The following MAGI2 variants were observed in gnomAD, a reference collection of about 807,000 sequenced individuals.
MAGI2 encodes membrane-associated guanylate kinase, WW and PDZ domain-containing protein 2.
Under a neutral mutation model 133.3 loss-of-function variants are expected in MAGI2, and 35 were observed. The observed-to-expected ratio is 0.26, with a 90% CI of 0.20 to 0.35. The LOEUF (loss-of-function observed/expected upper bound fraction) is 0.35, where lower values mean the gene tolerates loss of function less well. MAGI2 is among the 10% of genes least tolerant of loss of function. The probability of loss-of-function intolerance (pLI) is 1.00; values close to 1 mark genes in which losing one functional copy is unlikely to be tolerated. For missense variants in MAGI2, 1,636 were observed against 1,863.4 expected, an observed-to-expected ratio of 0.88 and a Z score of 2.25; for synonymous variants, 729 against 710.6, an observed-to-expected ratio of 1.03 and a Z score of -0.41.
intron 6 of MAGI2, among the ~76,000 whole-genome samples, chr7:78,439,532 A>T (rs1787391081): frequency 6.6e-6 from 1 of 152,124 alleles, no homozygotes; most frequent in South Asian, 2.1e-4. Context: ...ACCTTTGAGG[A>T]GGGGGCACAG....
chr7:79,325,023 T>TG (rs1839582016), intron 1 of MAGI2, among the ~76,000 whole-genome samples: 1 of 151,972 alleles, frequency 6.6e-6, no homozygotes, highest in Admixed American at 6.6e-5. Context: ...TAGCTTGGTC[T>TG]ATAAGATGAG....
At chr7:78,333,997 T>C (rs577214901) in intron 9 of MAGI2, among the ~76,000 whole-genome samples, 21 of 152,314 alleles carry the variant, frequency 1.4e-4, no homozygotes, top group African/African-American at 4.8e-4. Flanking sequence ...TCTCAGTGTG[T>C]GCTCAGGTTT....
In MAGI2 at chr7:78,876,043, C is replaced by A. The variant is rs541444605; in HGVS notation, c.418+131047G>T. Among the ~76,000 whole-genome samples, 6 of 152,206 alleles carry A rather than the reference C, an allele frequency of 3.9e-5. No individual in the cohort carries two copies. The South Asian group carries it at 1.2e-3, about 32-fold the overall frequency. On this transcript the variant is annotated intron_variant, in intron 2 of 21. Coordinates refer to ENST00000354212, the MANE Select transcript of MAGI2 (RefSeq NM_012301.4). Reference sequence around the variant, plus strand: ...TGAAGCTTCAAAAATTTGGGACATGCCGGGGGCAGTGGCTCATGCCTGTAA... The same window carrying A: ...TGAAGCTTCAAAAATTTGGGACATGACGGGGGCAGTGGCTCATGCCTGTAA...
intron 2 of MAGI2, among the ~76,000 whole-genome samples, chr7:78,809,022 T>G (rs547153433): frequency 1.3e-5 from 2 of 152,242 alleles, no homozygotes; most frequent in Non-Finnish European, 2.9e-5. Context: ...ATTTCTCCAT[T>G]GTGAATACCT....
At chr7:78,274,604 G>T (rs11981018) in intron 9 of MAGI2, among the ~76,000 whole-genome samples, 55 of 145,896 alleles carry the variant, frequency 3.8e-4, no homozygotes, top group African/African-American at 1.3e-3. Context: ...TCCCTGACTG[G>T]GGTGCTGCCT....
chr7:78,617,001 A>G (rs1024357330), intron 3 of MAGI2: 2 of 152,158 alleles, frequency 1.3e-5, no homozygotes, highest in Non-Finnish European at 2.9e-5. Context: ...GATACAGAAT[A>G]AATGGTCAAT....
At chr7:79,164,898 C>A (rs1180132736) in intron 1 of MAGI2, among the ~76,000 whole-genome samples, 1 of 152,082 alleles carries the variant, frequency 6.6e-6, no homozygotes, top group Non-Finnish European at 1.5e-5. Flanking sequence ...CAGAATAAAT[C>A]TCTTCAAAGA....
At chr7:79,271,427 G>A (rs1834867864) in intron 1 of MAGI2, among the ~76,000 whole-genome samples, 1 of 151,952 alleles carries the variant, frequency 6.6e-6, no homozygotes, top group African/African-American at 2.4e-5. Flanking sequence ...CTGTAAATCT[G>A]GCACCTCTGA....
chr7:78,327,235 T>G (rs1788677866), intron 9 of MAGI2, among the ~76,000 whole-genome samples: 1 of 152,198 alleles, frequency 6.6e-6, no homozygotes, highest in South Asian at 2.1e-4. Flanking sequence ...CATGGCCACT[T>G]CAACCATAGA....
In MAGI2 at chr7:78,521,527, T is replaced by C; in HGVS notation, c.657A>G (p.Lys219=). 1.2e-6 allele frequency: 2 copies of C among 1,614,150 alleles called. No individual in the cohort carries two copies. The highest frequency in any genetic ancestry group is 1.7e-6 in the Non-Finnish European group (2 of 1,180,004). ...PSAEGKRKRN[K]SVSNMEKASI... is the part of the protein sequence containing the mutation. Reference sequence around the variant, plus strand: ...TGGCTTTCTCCATGTTGCTCACTGATTTATTCCTCTTCCGTTTTCCTTCAG... The same window carrying C: ...TGGCTTTCTCCATGTTGCTCACTGACTTATTCCTCTTCCGTTTTCCTTCAG... Residue 219 remains lysine, a synonymous_variant, in exon 4 of 22, where the codon AAA becomes AAG. Transcript: ENST00000354212.
intron 1 of MAGI2, among the ~76,000 whole-genome samples, chr7:79,333,963 T>C (rs1330173250): frequency 6.6e-6 from 1 of 152,186 alleles, no homozygotes; most frequent in East Asian, 1.9e-4. Flanking sequence ...ACTTTTACTT[T>C]CCAAAAATAT....
chr7:79,329,578 A>C (rs1379727617), intron 1 of MAGI2, among the ~76,000 whole-genome samples: 1 of 152,232 alleles, frequency 6.6e-6, no homozygotes. Context: ...CATAATGTTC[A>C]CATTAGTAGC....
At chr7:78,451,275 C>T (rs1050717690) in intron 6 of MAGI2, among the ~76,000 whole-genome samples, 1 of 151,976 alleles carries the variant, frequency 6.6e-6, no homozygotes. Context: ...GTGCTTGCTT[C>T]CTTAAATAAT....
At chr7:78,906,341 C>T (rs1460063299) in intron 2 of MAGI2, among the ~76,000 whole-genome samples, 3 of 152,144 alleles carry the variant, frequency 2.0e-5, no homozygotes, top group East Asian at 1.9e-4. Context: ...TCATTGCTTT[C>T]GTCTAGTTAC....
rs146587336 is a variant in MAGI2, at chr7:79,178,486, T to A, written c.302-171280A>T. The stretch of plus-strand genomic sequence containing the variant: ...CAGCACTTTGGGAGGCCGAGATGTG[T>A]GGATCAACTGAGGTCAGGAGTTCGA... On this transcript the variant is annotated intron_variant, in intron 1 of 21. Coordinates refer to ENST00000354212, the MANE Select transcript of MAGI2 (RefSeq NM_012301.4). 2.2e-3 allele frequency among the ~76,000 whole-genome samples: 333 copies of A among 151,980 alleles called. 2 individuals carry two copies. The highest frequency in any genetic ancestry group is 7.5e-3 in the African/African-American group (311 of 41,368).
At chr7:78,974,570 A>C (rs1324715057) in intron 2 of MAGI2, among the ~76,000 whole-genome samples, 1 of 152,022 alleles carries the variant, frequency 6.6e-6, no homozygotes, top group South Asian at 2.1e-4. Flanking sequence ...CCTTTAATGT[A>C]GTTATTTCTA....
At chr7:78,067,908 G>T (rs1814012573) in intron 21 of MAGI2, among the ~76,000 whole-genome samples, 1 of 152,196 alleles carries the variant, frequency 6.6e-6, no homozygotes, top group Non-Finnish European at 1.5e-5. Flanking sequence ...GTTATTGGTT[G>T]CCAGGGGTGG....
chr7:78,527,229 CT>C (rs1797056304), intron 3 of MAGI2, among the ~76,000 whole-genome samples: 1 of 152,106 alleles, frequency 6.6e-6, no homozygotes, highest in Non-Finnish European at 1.5e-5. Context: ...AACCTAATCC[CT>C]TACCCATTTT....
intron 2 of MAGI2, among the ~76,000 whole-genome samples, chr7:78,646,511 T>C (rs1810912804): frequency 6.6e-6 from 1 of 152,248 alleles, no homozygotes; most frequent in Non-Finnish European, 1.5e-5. Context: ...GTAACTTTCA[T>C]ATTGTTTTCA....
Sources: allele counts gnomAD v4.1 joint callset (sites outside exome capture counted in the v4.1 genomes callset), GRCh38; gene constraint gnomAD v4.1.1; transcripts MANE v1.5; gene names NCBI Gene and HGNC (gene_info 2026-07-23, HGNC 2026-07-21).